Variants in LARP1B observed in about 807,000 individuals in gnomAD.
LARP1B encodes La ribonucleoprotein 1B, also known as la-related protein 1B.
In LARP1B, 76 loss-of-function variants were observed where a neutral mutation model predicts 114.2. That is an observed-to-expected ratio of 0.67 (90% CI 0.55 to 0.81). The LOEUF (loss-of-function observed/expected upper bound fraction) is 0.81, where lower values mean the gene tolerates loss of function less well. Ranked by LOEUF, LARP1B falls within the 30% of genes least tolerant of loss-of-function variation. LARP1B has a pLI of 0.00. For synonymous variants in LARP1B, 345 were observed against 348.0 expected, an observed-to-expected ratio of 0.99 and a Z score of 0.10; for missense variants, 1,014 against 1,075.8, an observed-to-expected ratio of 0.94 and a Z score of 0.80.
chr4:128,165,297 G>A (rs1180754503), intron 12 of LARP1B, among the ~76,000 whole-genome samples: 2 of 151,270 alleles, frequency 1.3e-5, no homozygotes, highest in African/African-American at 2.4e-5. Context: ...ATTTTTATTT[G>A]TGTGCTATAA....
At chr4:128,178,741 A>G (rs905669871) in intron 14 of LARP1B, 99 bp downstream of exon 14, 14 of 853,318 alleles carry the variant, frequency 1.6e-5, no homozygotes, top group Non-Finnish European at 2.6e-5. Flanking sequence ...AATGTGTGTT[A>G]TAACTTGTAA....
At chr4:128,136,232 G>T (rs1031466321) in intron 11 of LARP1B, among the ~76,000 whole-genome samples, 1 of 151,854 alleles carries the variant, frequency 6.6e-6, no homozygotes, top group Non-Finnish European at 1.5e-5. Context: ...AGTGGAGGTG[G>T]CAGTGAGCTG....
intron 1 of LARP1B, among the ~76,000 whole-genome samples, chr4:128,072,549 G>C (rs1327970826): frequency 6.6e-6 from 1 of 151,230 alleles, no homozygotes; most frequent in African/African-American, 2.4e-5. Context: ...CTTGTAATCT[G>C]TACGTATATA....
intron 12 of LARP1B, among the ~76,000 whole-genome samples, chr4:128,173,636 G>A (rs1036199492): frequency 2.0e-5 from 3 of 152,154 alleles, no homozygotes; most frequent in Non-Finnish European, 4.4e-5. Context: ...CATTTAGCAT[G>A]TTTAAGGTTC....
intron 11 of LARP1B, among the ~76,000 whole-genome samples, chr4:128,132,548 T>G (rs1791911147): frequency 6.6e-6 from 1 of 152,106 alleles, no homozygotes; most frequent in Non-Finnish European, 1.5e-5. Context: ...GCCCGGCCAA[T>G]TTTTAAATTT....
chr4:128,181,774 T>C (rs532710454), intron 15 of LARP1B, among the ~76,000 whole-genome samples: 99 of 151,584 alleles, frequency 6.5e-4, no homozygotes, highest in Non-Finnish European at 1.2e-3. Flanking sequence ...CTTGCAATAT[T>C]TCAAACTTTA....
intron 4 of LARP1B, among the ~76,000 whole-genome samples, chr4:128,078,305 A>G (rs1424582633): frequency 6.6e-6 from 1 of 151,994 alleles, no homozygotes; most frequent in Non-Finnish European, 1.5e-5. Context: ...AATTAAATAC[A>G]TTTTTTTCCT....
chr4:128,171,211 C>T (rs1250217834), intron 12 of LARP1B, among the ~76,000 whole-genome samples: 1 of 151,996 alleles, frequency 6.6e-6, no homozygotes, highest in Non-Finnish European at 1.5e-5. Context: ...TCACTGCAGC[C>T]TCATACTGCT....
At chr4:128,122,372 G>C in intron 11 of LARP1B, 184 bp downstream of exon 11, 1 of 1,458,596 alleles carries the variant, frequency 6.9e-7, no homozygotes, top group Non-Finnish European at 9.0e-7. Context: ...TTTATTTTAT[G>C]AAAGTAACAG....
chr4:128,112,466 A>ATTTTTTTTTTTTTTTTTTTTTTTTTTTT (rs1174266918), intron 9 of LARP1B, among the ~76,000 whole-genome samples: 1 of 69,322 alleles, frequency 1.4e-5, no homozygotes, highest in Non-Finnish European at 2.5e-5. Flanking sequence ...TGCTTACTCT[A>ATTTTTTTTTTTTTTTTTTTTTTTTTTTT]TTTTTTTTTT....
intron 9 of LARP1B, among the ~76,000 whole-genome samples, chr4:128,113,206 G>A (rs1784690002): frequency 6.6e-6 from 1 of 152,000 alleles, no homozygotes; most frequent in African/African-American, 2.4e-5. Flanking sequence ...ATTTTTTGAA[G>A]ACACCTTGTG....
At chr4:128,156,712 C>T (rs971518026) in intron 11 of LARP1B, among the ~76,000 whole-genome samples, 1 of 152,106 alleles carries the variant, frequency 6.6e-6, no homozygotes, top group Non-Finnish European at 1.5e-5. Flanking sequence ...GTGCCCATGG[C>T]TTCTGTGATG....
chr4:128,221,990 T>C (rs1760072776), intron 7 of LARP1B, among the ~76,000 whole-genome samples: 1 of 152,238 alleles, frequency 6.6e-6, no homozygotes, highest in South Asian at 2.1e-4. Context: ...GGCTAAGCAC[T>C]GGACAAATTA....
chr4:128,108,888 T>C (rs890584980), intron 9 of LARP1B: 4 of 950,146 alleles, frequency 4.2e-6, no homozygotes, highest in African/African-American at 1.8e-5. Flanking sequence ...AATAAAATTA[T>C]AAGAATAAAA....
chr4:128,100,485 G>T (rs866589342), intron 8 of LARP1B, among the ~76,000 whole-genome samples: 8 of 151,440 alleles, frequency 5.3e-5, no homozygotes, highest in African/African-American at 1.9e-4. Context: ...TGTTGGCCAG[G>T]ATGGTCTTGA....
chr4:128,080,505 A>T (rs1769910362), intron 4 of LARP1B, among the ~76,000 whole-genome samples: 1 of 152,116 alleles, frequency 6.6e-6, no homozygotes, highest in South Asian at 2.1e-4. Context: ...TCCTCATTTG[A>T]TCCATAGTTT....
intron 11 of LARP1B, among the ~76,000 whole-genome samples, chr4:128,137,733 T>C (rs1726002087): frequency 1.3e-5 from 2 of 150,818 alleles, no homozygotes; most frequent in Non-Finnish European, 3.0e-5. Context: ...TATATATACA[T>C]ACACACATTA....
chr4:128,096,155 G>A (rs1014544052), intron 7 of LARP1B, among the ~76,000 whole-genome samples: 27 of 151,966 alleles, frequency 1.8e-4, no homozygotes, highest in Non-Finnish European at 3.2e-4. Flanking sequence ...CACCTTGCCC[G>A]GCTAATTTTT....
At chr4:128,191,747 G>T (rs760470536) in intron 15 of LARP1B, among the ~76,000 whole-genome samples, 14 of 152,036 alleles carry the variant, frequency 9.2e-5, no homozygotes, top group Non-Finnish European at 2.1e-4. Flanking sequence ...CTGCCTTCAT[G>T]ATTTTTTTTT....
Sources: gnomAD v4.1 joint callset for allele counts (sites outside exome capture counted in the v4.1 genomes callset) on GRCh38, gnomAD v4.1.1 for gene constraint, MANE v1.5 for transcripts, NCBI Gene and HGNC (gene_info 2026-07-23, HGNC 2026-07-21) for gene names.